CADM2: variants seen among roughly 807,000 people sequenced by gnomAD.
The protein encoded by CADM2 is immunoglobulin superfamily member 4D.
CADM2 carries 12 observed loss-of-function variants against 49.8 expected under a neutral mutation model. The observed-to-expected ratio is 0.24, with a 90% CI of 0.15 to 0.39. The LOEUF is 0.39. Ranked by LOEUF, CADM2 falls within the 10% of genes least tolerant of loss-of-function variation. The probability of loss-of-function intolerance (pLI) is 1.00; values close to 1 mark genes in which losing one functional copy is unlikely to be tolerated. For missense variants in CADM2, 378 were observed against 492.3 expected (o/e 0.77, Z 2.20); for synonymous variants, 214 against 175.4 (o/e 1.22, Z -1.74).
intron 1 of CADM2, among the ~76,000 whole-genome samples, chr3:85,461,944 G>T (rs1242690036): frequency 1.3e-5 from 2 of 152,022 alleles, no homozygotes; most frequent in African/African-American, 4.8e-5. Context: ...CCGGACTTTC[G>T]CTGTTTCTGT....
At chr3:85,484,165 T>C (rs2039325209) in intron 1 of CADM2, among the ~76,000 whole-genome samples, 1 of 151,858 alleles carries the variant, frequency 6.6e-6, no homozygotes, top group Non-Finnish European at 1.5e-5. Context: ...GGCTACAAAC[T>C]TTTTTCCAGG....
chr3:85,720,895 T>G (rs1192312048), intron 1 of CADM2, among the ~76,000 whole-genome samples: 1 of 152,222 alleles, frequency 6.6e-6, no homozygotes, highest in Non-Finnish European at 1.5e-5. Context: ...GTAGTAGAAT[T>G]TCCCCTTTTC....
chr3:85,173,589 A>G (rs1267937638), intron 1 of CADM2, among the ~76,000 whole-genome samples: 1 of 152,192 alleles, frequency 6.6e-6, no homozygotes, highest in African/African-American at 2.4e-5. Flanking sequence ...ATACACGTAT[A>G]CAAGTATATT....
chr3:85,192,751 T>C (rs906326302), intron 1 of CADM2, among the ~76,000 whole-genome samples: 2 of 151,878 alleles, frequency 1.3e-5, no homozygotes, highest in Non-Finnish European at 2.9e-5. Context: ...CAGACTGACA[T>C]GGAGCAAGAG....
chr3:85,714,841 G>A (rs1013261724), intron 1 of CADM2, among the ~76,000 whole-genome samples: 1 of 151,960 alleles, frequency 6.6e-6, no homozygotes, highest in Non-Finnish European at 1.5e-5. Flanking sequence ...TCCAGGTGGT[G>A]GTGTCCTCCT....
chr3:85,761,844 A>G (rs554286952), intron 2 of CADM2, among the ~76,000 whole-genome samples: 1 of 152,148 alleles, frequency 6.6e-6, no homozygotes, highest in South Asian at 2.1e-4. Flanking sequence ...AGAGCTTACA[A>G]TATTTCATCA....
intron 1 of CADM2, among the ~76,000 whole-genome samples, chr3:85,047,765 A>T (rs2035722663): frequency 6.6e-6 from 1 of 152,270 alleles, no homozygotes; most frequent in Admixed American, 6.5e-5. Flanking sequence ...ACATAAAGTC[A>T]CTCATATCTC....
At chr3:85,216,904 A>AT (rs1406200144) in intron 1 of CADM2, among the ~76,000 whole-genome samples, 2 of 152,156 alleles carry the variant, frequency 1.3e-5, no homozygotes, top group South Asian at 2.1e-4. Flanking sequence ...TCAAATTAGA[A>AT]TTTTTTCTCA....
At chr3:85,814,471 A>G (rs2073082138) in intron 3 of CADM2, among the ~76,000 whole-genome samples, 1 of 152,152 alleles carries the variant, frequency 6.6e-6, no homozygotes, top group Admixed American at 6.6e-5. Context: ...CTAGAGAAGC[A>G]ATAGCAAACA....
intron 1 of CADM2, among the ~76,000 whole-genome samples, chr3:84,974,443 G>T (rs1447904481): frequency 1.3e-5 from 2 of 151,892 alleles, no homozygotes; most frequent in African/African-American, 2.4e-5. Flanking sequence ...GTGATAAATG[G>T]CTAGAGTATA....
chr3:85,416,615 C>T (rs2035932982), intron 1 of CADM2, among the ~76,000 whole-genome samples: 2 of 152,068 alleles, frequency 1.3e-5, no homozygotes, highest in African/African-American at 2.4e-5. Flanking sequence ...AACAAAGAAG[C>T]CAGAGTGCTG....
At chr3:85,785,154 T>A (rs2070903601) in intron 2 of CADM2, among the ~76,000 whole-genome samples, 1 of 152,122 alleles carries the variant, frequency 6.6e-6, no homozygotes, top group Admixed American at 6.6e-5. Context: ...CTGATTTCAT[T>A]TACTTGGGTC....
intron 8 of CADM2, among the ~76,000 whole-genome samples, chr3:85,983,370 G>C (rs548262732): frequency 6.6e-6 from 1 of 151,726 alleles, no homozygotes; most frequent in South Asian, 2.1e-4. Context: ...GAAAGAGCTG[G>C]ATTGAGCCCT....
At chr3:84,970,896 T>A (rs1447718298) in intron 1 of CADM2, among the ~76,000 whole-genome samples, 5 of 152,046 alleles carry the variant, frequency 3.3e-5, no homozygotes, top group Non-Finnish European at 7.4e-5. Context: ...TGTTGCAATT[T>A]TTGTTGGAGG....
intron 1 of CADM2, among the ~76,000 whole-genome samples, chr3:84,997,208 T>C (rs939701069): frequency 6.6e-6 from 1 of 152,136 alleles, no homozygotes; most frequent in Non-Finnish European, 1.5e-5. Context: ...TTTCCACATC[T>C]TGTACTTAGT....
chr3:85,661,621 T>C (rs2065407722), intron 1 of CADM2, among the ~76,000 whole-genome samples: 1 of 152,022 alleles, frequency 6.6e-6, no homozygotes, highest in Non-Finnish European at 1.5e-5. Context: ...CTCTTTTTTT[T>C]CTCCCCTAAG....
At chr3:85,382,408 T>G (rs927221624) in intron 1 of CADM2, among the ~76,000 whole-genome samples, 1 of 152,118 alleles carries the variant, frequency 6.6e-6, no homozygotes, top group African/African-American at 2.4e-5. Context: ...GAGAAGGACT[T>G]TAAGAGCAAT....
intron 1 of CADM2, among the ~76,000 whole-genome samples, chr3:85,055,444 C>T (rs2036044351): frequency 6.6e-6 from 1 of 151,912 alleles, no homozygotes; most frequent in Non-Finnish European, 1.5e-5. Flanking sequence ...CATCATCATC[C>T]ACATTATTAG....
intron 3 of CADM2, among the ~76,000 whole-genome samples, chr3:85,867,338 A>G (rs993175287): frequency 2.6e-5 from 4 of 152,132 alleles, no homozygotes; most frequent in Admixed American, 2.0e-4. Context: ...CAAGTCTGTC[A>G]CATTTATTGT....
Sources: gnomAD v4.1 joint callset for allele counts (sites outside exome capture counted in the v4.1 genomes callset) on GRCh38, gnomAD v4.1.1 for gene constraint, MANE v1.5 for transcripts, NCBI Gene and HGNC (gene_info 2026-07-23, HGNC 2026-07-21) for gene names.